Variants in RGS7 observed in about 807,000 individuals in gnomAD.
The protein encoded by RGS7 is regulator of G-protein signaling 7.
In RGS7, 27 loss-of-function variants were observed where a neutral mutation model predicts 81.1. The observed-to-expected ratio is 0.33, with a 90% CI of 0.25 to 0.46. The LOEUF (loss-of-function observed/expected upper bound fraction) is 0.46, where lower values mean the gene tolerates loss of function less well. Among genes scored for constraint, RGS7 ranks in the 20% least tolerant of loss-of-function variants. The pLI is 1.00. For synonymous variants in RGS7, 208 were observed against 207.7 expected (o/e 1.00, Z -0.01); for missense variants, 396 against 607.4 (o/e 0.65, Z 3.66).
chr1:241,152,140 C>CAAAAA (rs112950850), intron 2 of RGS7, among the ~76,000 whole-genome samples: 10 of 108,500 alleles, frequency 9.2e-5, no homozygotes, highest in East Asian at 7.3e-4. Context: ...CATTAGCAGC[C>CAAAAA]AAAAAAAAAA....
At chr1:240,933,197 G>A (rs1675997371) in intron 5 of RGS7, among the ~76,000 whole-genome samples, 1 of 151,762 alleles carries the variant, frequency 6.6e-6, no homozygotes. Flanking sequence ...TACTTTCTGA[G>A]ATGCTTCTTA....
chr1:240,976,868 C>CATCT (rs3044721), intron 4 of RGS7, among the ~76,000 whole-genome samples: 124,322 of 150,752 alleles, frequency 0.82, 52,252 homozygotes, highest in South Asian at 0.97. Flanking sequence ...TACCATCCAT[C>CATCT]ATCTATCTGT....
chr1:240,975,622 A>C (rs777839432), intron 4 of RGS7, among the ~76,000 whole-genome samples: 1 of 152,202 alleles, frequency 6.6e-6, no homozygotes, highest in Admixed American at 6.5e-5. Context: ...CATGTCAAGG[A>C]ATTACTGATA....
At chr1:241,182,581 T>A (rs533575449) in intron 2 of RGS7, among the ~76,000 whole-genome samples, 30 of 151,972 alleles carry the variant, frequency 2.0e-4, no homozygotes, top group African/African-American at 6.8e-4. Flanking sequence ...TGAGTATTCA[T>A]CCCGTTCCTG....
intron 9 of RGS7, among the ~76,000 whole-genome samples, chr1:240,832,767 G>A (rs1170227895): frequency 6.6e-6 from 1 of 152,178 alleles, no homozygotes; most frequent in African/African-American, 2.4e-5. Context: ...AACGACAGGT[G>A]AGTGGAGGAT....
intron 4 of RGS7, among the ~76,000 whole-genome samples, chr1:240,964,439 G>A (rs1401645791): frequency 6.6e-6 from 1 of 152,080 alleles, no homozygotes; most frequent in Non-Finnish European, 1.5e-5. Context: ...ATAGACACGG[G>A]AATACAACAA....
intron 2 of RGS7, among the ~76,000 whole-genome samples, chr1:241,328,290 A>G (rs1473223480): frequency 6.6e-6 from 1 of 152,186 alleles, no homozygotes; most frequent in African/African-American, 2.4e-5. Flanking sequence ...TAGCTTCTAG[A>G]AAGTTTTATC....
At position 241,327,540 on chromosome 1, in the gene RGS7, T is replaced by C. The variant is rs142362623; in HGVS notation, c.78+28159A>G. Among the ~76,000 whole-genome samples, 1,078 of 152,282 alleles carry C rather than the reference T, an allele frequency of 7.1e-3. 4 individuals carry two copies. Among genetic ancestry groups the C allele is most frequent in the Middle Eastern group, 0.014 (4 of 294 alleles). ...ACTTGAGCTCCATCATGTGTCATTATTATAATGACAGAAGTAGCAGCATCA... is the reference window on the plus strand; with the variant it reads ...ACTTGAGCTCCATCATGTGTCATTACTATAATGACAGAAGTAGCAGCATCA... On this transcript the variant is annotated intron_variant, in intron 2 of 18. Transcript: ENST00000440928.
At chr1:241,177,498 G>T (rs2071244676) in intron 2 of RGS7, among the ~76,000 whole-genome samples, 1 of 152,144 alleles carries the variant, frequency 6.6e-6, no homozygotes, top group Non-Finnish European at 1.5e-5. Flanking sequence ...GGGTTTTATT[G>T]TAAATATAAG....
intron 14 of RGS7, among the ~76,000 whole-genome samples, chr1:240,811,548 A>T (rs1689857700): frequency 6.6e-6 from 1 of 152,256 alleles, no homozygotes; most frequent in Non-Finnish European, 1.5e-5. Flanking sequence ...ATACGCAAAG[A>T]TAGTCAACAA....
At chr1:241,068,065 C>T (rs1045554766) in intron 3 of RGS7, among the ~76,000 whole-genome samples, 10 of 150,782 alleles carry the variant, frequency 6.6e-5, no homozygotes, top group Non-Finnish European at 8.8e-5. Flanking sequence ...TGGAAGACAG[C>T]GACTGAAACA....
chr1:241,287,467 T>G (rs2078876015), intron 2 of RGS7, among the ~76,000 whole-genome samples: 1 of 152,148 alleles, frequency 6.6e-6, no homozygotes, highest in Admixed American at 6.6e-5. Flanking sequence ...GTGACTTTGC[T>G]CCTCCTTTGT....
chr1:241,174,691 T>G (rs2070972638), intron 2 of RGS7, among the ~76,000 whole-genome samples: 1 of 152,098 alleles, frequency 6.6e-6, no homozygotes, highest in African/African-American at 2.4e-5. Flanking sequence ...CTGGGCTATT[T>G]GCAAAAAGTT....
At chr1:241,229,772 C>T (rs935462844) in intron 2 of RGS7, among the ~76,000 whole-genome samples, 4 of 152,152 alleles carry the variant, frequency 2.6e-5, no homozygotes, top group East Asian at 1.9e-4. Flanking sequence ...GAGAAACTTC[C>T]GGGAAATGAT....
intron 2 of RGS7, among the ~76,000 whole-genome samples, chr1:241,161,040 C>T (rs1035602945): frequency 6.9e-6 from 1 of 145,326 alleles, no homozygotes; most frequent in Non-Finnish European, 1.5e-5. Flanking sequence ...TTTGCCCCAA[C>T]CTAATAACAC....
intron 3 of RGS7, among the ~76,000 whole-genome samples, chr1:241,038,928 T>C (rs1032580737): frequency 6.6e-6 from 1 of 151,812 alleles, no homozygotes; most frequent in South Asian, 2.1e-4. Context: ...GATCGCACCA[T>C]TGCACTTCAG....
intron 2 of RGS7, among the ~76,000 whole-genome samples, chr1:241,212,215 G>T (rs1225898400): frequency 6.6e-6 from 1 of 152,060 alleles, no homozygotes; most frequent in South Asian, 2.1e-4. Flanking sequence ...ACTGAAGGAA[G>T]TGTATTCACT....
At chr1:241,013,405 T>A (rs1487260011) in intron 3 of RGS7, among the ~76,000 whole-genome samples, 1 of 152,196 alleles carries the variant, frequency 6.6e-6, no homozygotes, top group Non-Finnish European at 1.5e-5. Flanking sequence ...ATGGCTCCTG[T>A]GTCCACATGA....
chr1:240,993,112 AGG>A (rs1686729149), intron 3 of RGS7, among the ~76,000 whole-genome samples: 1 of 98,598 alleles, frequency 1.0e-5, no homozygotes, highest in Admixed American at 1.2e-4. Context: ...GGAGGGAGGG[AGG>A]GAAGGAAGGA....
Sources: allele counts gnomAD v4.1 joint callset (sites outside exome capture counted in the v4.1 genomes callset), GRCh38; gene constraint gnomAD v4.1.1; transcripts MANE v1.5; gene names NCBI Gene and HGNC (gene_info 2026-07-23, HGNC 2026-07-21).